AXDND1: variants seen among roughly 807,000 people sequenced by gnomAD.
AXDND1 encodes the protein axonemal dynein light chain domain containing 1.
AXDND1 carries 110 observed loss-of-function variants against 137.5 expected under a neutral mutation model. That is an observed-to-expected ratio of 0.80 (90% CI 0.69 to 0.94). AXDND1 has a LOEUF of 0.94. Ranked by LOEUF, AXDND1 falls within the 40% of genes least tolerant of loss-of-function variation. The pLI, the probability that AXDND1 is intolerant of heterozygous loss-of-function variation, is 0.00. For missense variants in AXDND1, 1,191 were observed against 1,169.8 expected (o/e 1.02, Z -0.26); for synonymous variants, 414 against 399.7 (o/e 1.04, Z -0.43).
At chr1:179,479,122 A>T (rs989945823) in intron 17 of AXDND1, among the ~76,000 whole-genome samples, 1 of 151,998 alleles carries the variant, frequency 6.6e-6, no homozygotes, top group African/African-American at 2.4e-5. Context: ...TAATAAAATA[A>T]ATAAAACTGA....
intron 17 of AXDND1, among the ~76,000 whole-genome samples, chr1:179,471,980 C>T (rs12117965): frequency 0.14 from 20,969 of 151,954 alleles, 1,599 homozygotes; most frequent in East Asian, 0.35. Context: ...CTGCAACCTC[C>T]GCCTCCCAGA....
At chr1:179,457,212 A>T (rs12736300) in intron 16 of AXDND1, 1 of 742,596 alleles carries the variant, frequency 1.3e-6, no homozygotes, top group African/African-American at 1.7e-5. Context: ...CACACAGTCC[A>T]TGAGCATTCC....
chr1:179,506,196 C>T (rs974083613), intron 20 of AXDND1, among the ~76,000 whole-genome samples: 7 of 151,688 alleles, frequency 4.6e-5, no homozygotes, highest in Non-Finnish European at 8.8e-5. Flanking sequence ...GTTCCAAGGA[C>T]CTAGAATTAG....
At chr1:179,530,361 G>A (rs1670934983) in intron 23 of AXDND1, among the ~76,000 whole-genome samples, 1 of 152,098 alleles carries the variant, frequency 6.6e-6, no homozygotes, top group South Asian at 2.1e-4. Context: ...AAGACAACAG[G>A]TAGAAGCTTT....
Position 179,378,773 on chromosome 1 carries a change from G to T in AXDND1, c.495+16G>T. 1 of 1,481,610 alleles carries T rather than the reference G, an allele frequency of 6.7e-7. No individual in the cohort carries two copies. The highest frequency in any genetic ancestry group is 1.6e-5 in the South Asian group (1 of 62,152). The allele number at this position is 1,481,610 out of a possible 1,614,324, so 91.8% of individuals were successfully genotyped here. A position where few individuals can be genotyped will look rare whatever the true frequency, so the allele number is the denominator to read the frequency against. ...GCCCCATAAGGTAAATAAAGTATTTGACAAATAATCTTCTCTCCCTCTGTC... is the reference window on the plus strand; with the variant it reads ...GCCCCATAAGGTAAATAAAGTATTTTACAAATAATCTTCTCTCCCTCTGTC... On this transcript the variant is annotated intron_variant, in intron 5 of 25. Transcript: ENST00000367618.
chr1:179,518,897 A>G (rs886072526), intron 21 of AXDND1, among the ~76,000 whole-genome samples: 2 of 152,156 alleles, frequency 1.3e-5, no homozygotes, highest in Non-Finnish European at 2.9e-5. Context: ...TCCTTCAGGT[A>G]TATACTTAGT....
intron 4 of AXDND1, among the ~76,000 whole-genome samples, chr1:179,375,139 TC>T (rs1164383212): frequency 6.6e-6 from 1 of 151,986 alleles, no homozygotes; most frequent in African/African-American, 2.4e-5. Flanking sequence ...TGCTCTGTCA[TC>T]CAGGCTGGAG....
intron 18 of AXDND1, among the ~76,000 whole-genome samples, chr1:179,486,554 GA>G (rs1323958509): frequency 7.4e-6 from 1 of 134,626 alleles, no homozygotes; most frequent in Non-Finnish European, 1.7e-5. Context: ...TGAAATGAAA[GA>G]AAAAATGTTA....
intron 17 of AXDND1, among the ~76,000 whole-genome samples, chr1:179,474,081 C>T (rs888796563): frequency 5.3e-5 from 8 of 151,586 alleles, no homozygotes; most frequent in South Asian, 4.2e-4. Flanking sequence ...AAAAATTAGT[C>T]GGGCGTGGTG....
intron 16 of AXDND1, among the ~76,000 whole-genome samples, chr1:179,463,667 A>G (rs1306992383): frequency 6.6e-6 from 1 of 152,062 alleles, no homozygotes; most frequent in Non-Finnish European, 1.5e-5. Flanking sequence ...CAATTCCTGG[A>G]TATCCTTGTT....
chr1:179,537,426 C>A (rs531107392), intron 25 of AXDND1, among the ~76,000 whole-genome samples: 4 of 152,146 alleles, frequency 2.6e-5, no homozygotes, highest in South Asian at 4.2e-4. Context: ...TTGTTGAAGG[C>A]CTTTTCTGCA....
chr1:179,528,652 T>TTA (rs1670770683), intron 23 of AXDND1, among the ~76,000 whole-genome samples: 1 of 149,942 alleles, frequency 6.7e-6, no homozygotes, highest in African/African-American at 2.4e-5. Flanking sequence ...TTTTTTTTTT[T>TTA]TTTTTTTTTG....
chr1:179,432,176 A>G (rs1657468239), intron 14 of AXDND1, 91 bp from the exon 15 acceptor site: 3 of 1,411,690 alleles, frequency 2.1e-6, no homozygotes, highest in Admixed American at 3.0e-5. Context: ...GAGGAGAAAT[A>G]TGTTAGTTGT....
chr1:179,485,747 A>C (rs140047575), intron 18 of AXDND1, among the ~76,000 whole-genome samples: 3 of 151,500 alleles, frequency 2.0e-5, no homozygotes, highest in Non-Finnish European at 4.4e-5. Flanking sequence ...ATCAACGTAC[A>C]AGAAAGTTGA....
At chr1:179,402,758 A>T (rs1652302901) in intron 11 of AXDND1, among the ~76,000 whole-genome samples, 1 of 152,180 alleles carries the variant, frequency 6.6e-6, no homozygotes, top group Non-Finnish European at 1.5e-5. Flanking sequence ...CTCTCCTTAC[A>T]GGAAATCTCT....
intron 20 of AXDND1, among the ~76,000 whole-genome samples, chr1:179,494,904 C>G (rs1667294331): frequency 1.3e-5 from 2 of 152,128 alleles, no homozygotes; most frequent in Admixed American, 6.5e-5. Context: ...GGGTTGGATT[C>G]AAGTTCATTT....
intron 9 of AXDND1, among the ~76,000 whole-genome samples, chr1:179,387,408 A>G (rs1649393923): frequency 6.6e-6 from 1 of 152,232 alleles, no homozygotes; most frequent in Non-Finnish European, 1.5e-5. Context: ...CATTCCTGCA[A>G]TAATGGCATT....
Position 179,366,574 on chromosome 1 carries a change from T to TAA in AXDND1, c.68_69dup (p.Val24LysfsTer4). Reference sequence around the variant, plus strand: ...ACATCAACATCTGAGAGCAAAAAGTTAAAAGTGTCTGTAGCCAAGGAAGGG... The same window carrying TAA: ...ACATCAACATCTGAGAGCAAAAAGTTAAAAAAGTGTCTGTAGCCAAGGAAGGG... On this transcript the variant is annotated frameshift_variant, in exon 2 of 26. Coordinates refer to ENST00000367618, the MANE Select transcript of AXDND1 (RefSeq NM_144696.6). LOFTEE classifies it high-confidence loss of function. 6.2e-7 allele frequency: 1 copy of TAA among 1,613,742 alleles called. No individual in the cohort carries two copies. The highest frequency in any genetic ancestry group is 8.5e-7 in the Non-Finnish European group (1 of 1,179,710).
intron 25 of AXDND1, among the ~76,000 whole-genome samples, chr1:179,541,795 G>T (rs1434963415): frequency 6.6e-6 from 1 of 152,076 alleles, no homozygotes; most frequent in African/African-American, 2.4e-5. Context: ...GATGTTCAGT[G>T]TATCATTGTG....
Sources: gnomAD v4.1 joint callset for allele counts (sites outside exome capture counted in the v4.1 genomes callset) on GRCh38, gnomAD v4.1.1 for gene constraint, MANE v1.5 for transcripts, NCBI Gene and HGNC (gene_info 2026-07-23, HGNC 2026-07-21) for gene names.